Variants in EXOC6B observed in about 807,000 individuals in gnomAD.
EXOC6B encodes exocyst complex component 6B, also known as SEC15 homolog B.
In EXOC6B, 54 loss-of-function variants were observed where a neutral mutation model predicts 113.5. The ratio of observed to expected loss-of-function variants is 0.48; its 90% CI spans 0.38 to 0.60. EXOC6B has a LOEUF of 0.60. EXOC6B is among the 20% of genes least tolerant of loss of function. The probability of loss-of-function intolerance (pLI) is 0.00; values close to 1 mark genes in which losing one functional copy is unlikely to be tolerated. For synonymous variants in EXOC6B, 357 were observed against 339.0 expected, an observed-to-expected ratio of 1.05 and a Z score of -0.58; for missense variants, 797 against 977.5, an observed-to-expected ratio of 0.82 and a Z score of 2.46.
At chr2:72,242,927 G>A (rs1001655936) in intron 20 of EXOC6B, among the ~76,000 whole-genome samples, 2 of 152,006 alleles carry the variant, frequency 1.3e-5, no homozygotes, top group Non-Finnish European at 2.9e-5. Context: ...TAGAGATGGG[G>A]TCTCACTGTG....
chr2:72,670,862 C>T (rs1675741936), intron 6 of EXOC6B, among the ~76,000 whole-genome samples: 1 of 152,096 alleles, frequency 6.6e-6, no homozygotes, highest in Non-Finnish European at 1.5e-5. Context: ...TCTCTACTGA[C>T]ACTTATTTTC....
chr2:72,298,429 CTCTT>C (rs1192852751), intron 20 of EXOC6B, among the ~76,000 whole-genome samples: 6 of 151,990 alleles, frequency 3.9e-5, no homozygotes, highest in Admixed American at 2.6e-4. Flanking sequence ...TGGGTCTTGA[CTCTT>C]TATCCAATTT....
At position 72,631,426 on chromosome 2, in the gene EXOC6B, G is replaced by GTGTGTATA. The variant is rs1290760055; in HGVS notation, c.670-55759_670-55758insTATACACA. On this transcript the variant is annotated intron_variant, in intron 6 of 21. Transcript: ENST00000272427. ...TGTATATGTGTGTGTGTGTGTGTGTGTATATATATATATATATATATATAT... is the reference window on the plus strand; with the variant it reads ...TGTATATGTGTGTGTGTGTGTGTGTGTGTGTATATATATATATATATATATATATATAT... Among the ~76,000 whole-genome samples, 15 of 28,178 alleles carry GTGTGTATA rather than the reference G, an allele frequency of 5.3e-4. 1 individual carries two copies. Among genetic ancestry groups the GTGTGTATA allele is most frequent in the African/African-American group, 1.7e-3 (15 of 8,662 alleles). 18.5% of individuals were successfully genotyped at this position (28,178 alleles called of 152,430 possible).
At chr2:72,312,124 C>T (rs1035991410) in intron 20 of EXOC6B, among the ~76,000 whole-genome samples, 3 of 152,192 alleles carry the variant, frequency 2.0e-5, no homozygotes, top group African/African-American at 7.2e-5. Context: ...GAGACCTTTT[C>T]CCCATGAACA....
At chr2:72,564,753 C>T (rs1020207726) in intron 7 of EXOC6B, among the ~76,000 whole-genome samples, 1 of 152,074 alleles carries the variant, frequency 6.6e-6, no homozygotes, top group Non-Finnish European at 1.5e-5. Flanking sequence ...AACTGGAAGG[C>T]CTATAATTTT....
Position 72,657,567 on chromosome 2 carries a change from C to CTTTTTTTTTTTTTTTTTTT in EXOC6B, c.669+60517_669+60535dup, listed in dbSNP as rs70963136. 1.6e-4 allele frequency among the ~76,000 whole-genome samples: 8 copies of CTTTTTTTTTTTTTTTTTTT among 50,356 alleles called. 1 individual carries two copies. The highest frequency in any genetic ancestry group is 5.8e-4 in the African/African-American group (6 of 10,430). 33.0% of individuals were successfully genotyped at this position (50,356 alleles called of 152,430 possible). A position where few individuals can be genotyped will look rare whatever the true frequency, so the allele number is the denominator to read the frequency against. ...TATTAGGTCTTTCCTCTTTCCTTTTCTTTTTTTTTTTTTTTTTTTTTTTTT... is the reference window on the plus strand; with the variant it reads ...TATTAGGTCTTTCCTCTTTCCTTTTCTTTTTTTTTTTTTTTTTTTTTTTTTTTTTTTTTTTTTTTTTTTT... On this transcript the variant is annotated intron_variant, in intron 6 of 21. Coordinates refer to ENST00000272427, the MANE Select transcript of EXOC6B (RefSeq NM_015189.3).
rs1416411169 is a variant in EXOC6B, at chr2:72,186,848, T to A, written c.2197-2661A>T. Among the ~76,000 whole-genome samples, 8 of 152,198 alleles carry A rather than the reference T, an allele frequency of 5.3e-5. 1 individual carries two copies. The East Asian group carries it at 1.5e-3, about 29-fold the overall frequency. ...TGGAGAGAAGTTCATGGCTTAGCTGTAAGTTATGGGATCTTTGGGGTGTCG... is the reference window on the plus strand; with the variant it reads ...TGGAGAGAAGTTCATGGCTTAGCTGAAAGTTATGGGATCTTTGGGGTGTCG... On this transcript the variant is annotated intron_variant, in intron 20 of 21. Transcript: ENST00000272427.
At chr2:72,544,162 A>G (rs545398642) in intron 8 of EXOC6B, among the ~76,000 whole-genome samples, 1 of 152,350 alleles carries the variant, frequency 6.6e-6, no homozygotes, top group East Asian at 1.9e-4. Flanking sequence ...ACAGATCAAG[A>G]GGAATAGTGT....
At chr2:72,570,649 C>A (rs549971466) in intron 7 of EXOC6B, among the ~76,000 whole-genome samples, 1 of 152,226 alleles carries the variant, frequency 6.6e-6, no homozygotes, top group South Asian at 2.1e-4. Flanking sequence ...GAGGTACACA[C>A]TAGAATATGT....
intron 18 of EXOC6B, among the ~76,000 whole-genome samples, chr2:72,409,326 A>G (rs1477295441): frequency 1.3e-5 from 2 of 152,224 alleles, no homozygotes; most frequent in Non-Finnish European, 2.9e-5. Context: ...TCAGTGATCT[A>G]GAACTGTAAA....
At chr2:72,718,727 G>C (rs62148066) in intron 5 of EXOC6B, among the ~76,000 whole-genome samples, 1 of 152,068 alleles carries the variant, frequency 6.6e-6, no homozygotes, top group Non-Finnish European at 1.5e-5. Flanking sequence ...GCCTGGTGGC[G>C]CAAGCCACCT....
At position 72,722,647 on chromosome 2, in the gene EXOC6B, T is replaced by C. The variant is rs114422259; in HGVS notation, c.465-4340A>G. Among the ~76,000 whole-genome samples the C allele has an allele frequency of 1.5e-3, 235 of 152,342 alleles. 1 individual carries two copies. Among genetic ancestry groups the C allele is most frequent in the African/African-American group, 5.3e-3 (220 of 41,580 alleles). ...AGGCTCAAAAACAATACAATTCACA[T>C]GGTTTAGTGTAAACAGAATGGTGTT... On this transcript the variant is annotated intron_variant, in intron 5 of 21. Coordinates refer to ENST00000272427, the MANE Select transcript of EXOC6B (RefSeq NM_015189.3).
intron 6 of EXOC6B, among the ~76,000 whole-genome samples, chr2:72,608,782 G>A (rs1670894578): frequency 2.0e-5 from 3 of 152,052 alleles, no homozygotes; most frequent in Non-Finnish European, 4.4e-5. Context: ...AAAAGCAGAA[G>A]AGATGTGGAT....
intron 2 of EXOC6B, 84 bp downstream of exon 2, chr2:72,741,220 T>C (rs1422405752): frequency 1.5e-6 from 2 of 1,312,602 alleles, no homozygotes; most frequent in Admixed American, 4.8e-5. Context: ...AAATATGTGT[T>C]CTATGTTATA....
intron 1 of EXOC6B, among the ~76,000 whole-genome samples, chr2:72,764,846 A>T (rs1000451845): frequency 6.6e-6 from 1 of 152,220 alleles, no homozygotes; most frequent in African/African-American, 2.4e-5. Context: ...CTATACAAAT[A>T]TTCTTCACTT....
chr2:72,336,213 A>G (rs1572931988), intron 19 of EXOC6B, among the ~76,000 whole-genome samples: 1 of 152,308 alleles, frequency 6.6e-6, no homozygotes, highest in South Asian at 2.1e-4. Flanking sequence ...AAGAAACTAT[A>G]CAGAGTTGGT....
intron 1 of EXOC6B, among the ~76,000 whole-genome samples, chr2:72,753,909 T>C (rs913462009): frequency 6.6e-6 from 1 of 152,166 alleles, no homozygotes; most frequent in African/African-American, 2.4e-5. Context: ...TATAACCTGA[T>C]ACAGAAGCTC....
At chr2:72,351,051 G>T (rs1008232634) in intron 19 of EXOC6B, among the ~76,000 whole-genome samples, 1 of 152,046 alleles carries the variant, frequency 6.6e-6, no homozygotes, top group African/African-American at 2.4e-5. Context: ...ATCCATTGAC[G>T]GGCAGACAGC....
chr2:72,181,122 T>C (rs1572952644), intron 21 of EXOC6B, among the ~76,000 whole-genome samples: 1 of 148,282 alleles, frequency 6.7e-6, no homozygotes, highest in Non-Finnish European at 1.5e-5. Flanking sequence ...GGCAGGAGAA[T>C]GGTGTGAACC....
Sources: allele counts gnomAD v4.1 joint callset (sites outside exome capture counted in the v4.1 genomes callset), GRCh38; gene constraint gnomAD v4.1.1; transcripts MANE v1.5; gene names NCBI Gene and HGNC (gene_info 2026-07-23, HGNC 2026-07-21).